The following IARS1 variants were observed in gnomAD, a reference collection of about 807,000 sequenced individuals.
IARS1 encodes isoleucyl-tRNA synthetase 1, also known as isoleucine--tRNA ligase, cytoplasmic.
Under a neutral mutation model 168.2 loss-of-function variants are expected in IARS1, and 124 were observed. The ratio of observed to expected loss-of-function variants is 0.74; its 90% CI spans 0.64 to 0.86. IARS1 has a LOEUF of 0.86. IARS1 is among the 40% of genes least tolerant of loss of function. The probability of loss-of-function intolerance (pLI) is 0.00; values close to 1 mark genes in which losing one functional copy is unlikely to be tolerated. For missense variants in IARS1, 1,452 were observed against 1,515.8 expected (o/e 0.96, Z 0.70); for synonymous variants, 532 against 529.4 (o/e 1.00, Z -0.07).
At chr9:92,272,459 G>T (rs1833183627) in intron 10 of IARS1, among the ~76,000 whole-genome samples, 1 of 152,220 alleles carries the variant, frequency 6.6e-6, no homozygotes, top group Non-Finnish European at 1.5e-5. Context: ...CAGAACCAGT[G>T]ATGTTCAACA....
intron 30 of IARS1, among the ~76,000 whole-genome samples, chr9:92,234,360 G>A (rs1827172261): frequency 6.6e-6 from 1 of 152,144 alleles, no homozygotes; most frequent in African/African-American, 2.4e-5. Flanking sequence ...GCTTTCAGCA[G>A]GACAGTAAAT....
At chr9:92,277,606 T>C (rs1587870941) in intron 9 of IARS1, among the ~76,000 whole-genome samples, 1 of 150,700 alleles carries the variant, frequency 6.6e-6, no homozygotes, top group South Asian at 2.1e-4. Flanking sequence ...GCCCAAGAGG[T>C]CGAGGTTGCA....
intron 33 of IARS1, among the ~76,000 whole-genome samples, chr9:92,220,661 T>A (rs933301869): frequency 1.3e-5 from 2 of 151,228 alleles, no homozygotes; most frequent in African/African-American, 4.9e-5. Flanking sequence ...AAAACACGAA[T>A]AGAATGAAAA....
chr9:92,278,794 A>G (rs1166159180), intron 7 of IARS1, among the ~76,000 whole-genome samples: 1 of 152,172 alleles, frequency 6.6e-6, no homozygotes, highest in African/African-American at 2.4e-5. Context: ...ACATACTTCC[A>G]TGTATTAGCA....
intron 15 of IARS1, 43 bp from the exon 16 acceptor site, chr9:92,265,166 A>T: frequency 6.6e-7 from 1 of 1,519,186 alleles, no homozygotes; most frequent in Non-Finnish European, 9.0e-7. Context: ...CTGTAAGCAT[A>T]ACAGAACTTG....
chr9:92,222,384 T>C (rs1003830495), intron 33 of IARS1, 136 bp downstream of exon 33: 2 of 518,068 alleles, frequency 3.9e-6, no homozygotes, highest in Non-Finnish European at 6.5e-6. Context: ...AATTATATTA[T>C]GGTAAATTTC....
chr9:92,255,475 CT>C (rs1027963389), intron 20 of IARS1, among the ~76,000 whole-genome samples: 6 of 152,176 alleles, frequency 3.9e-5, no homozygotes, highest in African/African-American at 1.4e-4. Flanking sequence ...TATCTCAAAC[CT>C]TAAGGAAGCC....
At position 92,291,507 on chromosome 9, in the gene IARS1, G is replaced by A. The variant is rs148859421; in HGVS notation, c.-7-2081C>T. ...TCTGAGTTTAATTTAAGAAAAAACA[G>A]GACAAGAACAGTTGGGCTGTTTAAC... On this transcript the variant is annotated intron_variant, in intron 1 of 33. Coordinates refer to ENST00000443024, the MANE Select transcript of IARS1 (RefSeq NM_002161.6). Among the ~76,000 whole-genome samples the A allele has an allele frequency of 4.6e-3, 702 of 152,186 alleles. 4 individuals carry two copies. Among genetic ancestry groups the A allele is most frequent in the African/African-American group, 0.016 (682 of 41,516 alleles).
chr9:92,236,837 A>G (rs1827615710), intron 30 of IARS1, among the ~76,000 whole-genome samples: 1 of 152,216 alleles, frequency 6.6e-6, no homozygotes, highest in East Asian at 1.9e-4. Context: ...GGCGACAAGC[A>G]TCCAAGTTGT....
intron 6 of IARS1, among the ~76,000 whole-genome samples, chr9:92,282,860 A>ATATATT (rs1230782830): frequency 8.1e-4 from 107 of 132,854 alleles, no homozygotes; most frequent in African/African-American, 2.9e-3. Context: ...ATATATATAT[A>ATATATT]TTTTTTTTTT....
chr9:92,276,424 T>C (rs17518754), intron 9 of IARS1, among the ~76,000 whole-genome samples: 3 of 152,148 alleles, frequency 2.0e-5, no homozygotes, highest in African/African-American at 4.8e-5. Context: ...CACGTCCTAA[T>C]TGCTGGTAAA....
chr9:92,237,548 GTACTTTGAAGTC>G (rs1213951386), intron 30 of IARS1, among the ~76,000 whole-genome samples: 9 of 152,144 alleles, frequency 5.9e-5, no homozygotes, highest in African/African-American at 2.2e-4. Context: ...ACTGAAAAAG[GTACTTTGAAGTC>G]TCCAACTATA....
intron 29 of IARS1, 147 bp from the exon 30 acceptor site, chr9:92,241,108 G>T: frequency 1.9e-6 from 1 of 521,610 alleles, no homozygotes. Context: ...AGTATCAAAA[G>T]CTACAATTTA....
rs1034728755 is a variant in IARS1 at position 92,210,548 on chromosome 9, T to C, written c.*259A>G. On this transcript the variant is annotated 3_prime_UTR_variant, in exon 34 of 34. Transcript: ENST00000443024. ...GTACTTAAGAACTCAAGTATAGAAA[T>C]AAACTGTGGGCTGAAGTAACATTGT... 12 of 344,596 alleles carry C rather than the reference T, an allele frequency of 3.5e-5. No individual in the cohort carries two copies. The highest frequency in any genetic ancestry group is 5.8e-5 in the Non-Finnish European group (11 of 188,880). The allele number at this position is 344,596 out of a possible 1,614,324, so 21.3% of individuals were successfully genotyped here.
rs1428070050 is a variant in IARS1 at position 92,287,928 on chromosome 9, G to A, written c.277-18C>T. On this transcript the variant is annotated intron_variant, in intron 3 of 33. Transcript: ENST00000443024. Reference sequence around the variant, plus strand: ...TCATATTCCTGAAAATTTGTGATAAGACTGTTACCACGCTGCCCTATGAAA... The same window carrying A: ...TCATATTCCTGAAAATTTGTGATAAAACTGTTACCACGCTGCCCTATGAAA... 3.1e-6 allele frequency: 5 copies of A among 1,613,228 alleles called. No individual in the cohort carries two copies. In the Admixed American group the frequency reaches 6.7e-5, roughly 22 times the overall value.
intron 6 of IARS1, among the ~76,000 whole-genome samples, chr9:92,282,550 C>T (rs534658580): frequency 2.8e-4 from 43 of 152,100 alleles, no homozygotes; most frequent in African/African-American, 9.9e-4. Context: ...GCAGGAGGAT[C>T]GCACAAGCTC....
intron 5 of IARS1, among the ~76,000 whole-genome samples, chr9:92,286,304 T>A (rs948870498): frequency 2.0e-5 from 3 of 152,098 alleles, no homozygotes; most frequent in Non-Finnish European, 4.4e-5. Flanking sequence ...GAGGCGGAGG[T>A]TGCAGTGGGC....
intron 30 of IARS1, among the ~76,000 whole-genome samples, chr9:92,235,175 A>C (rs541599551): frequency 1.3e-5 from 2 of 152,054 alleles, no homozygotes; most frequent in African/African-American, 4.8e-5. Flanking sequence ...ATGATTTTCT[A>C]TAGAGTCAGC....
intron 30 of IARS1, among the ~76,000 whole-genome samples, chr9:92,238,404 T>C (rs899325553): frequency 6.6e-6 from 1 of 152,180 alleles, no homozygotes; most frequent in African/African-American, 2.4e-5. Flanking sequence ...CTCACTCTGT[T>C]CGTTCATGCG....
Sources: allele counts gnomAD v4.1 joint callset (sites outside exome capture counted in the v4.1 genomes callset), GRCh38; gene constraint gnomAD v4.1.1; transcripts MANE v1.5; gene names NCBI Gene and HGNC (gene_info 2026-07-23, HGNC 2026-07-21).